Variants in KIAA1328 observed in about 807,000 individuals in gnomAD.
The protein encoded by KIAA1328 is KIAA1328, also known as protein hinderin.
In KIAA1328, 52 loss-of-function variants were observed where a neutral mutation model predicts 68.1. That is an observed-to-expected ratio of 0.76 (90% CI 0.61 to 0.96). The LOEUF is 0.96. KIAA1328 is among the 40% of genes least tolerant of loss of function. The pLI is 0.00. For missense variants in KIAA1328, 641 were observed against 677.6 expected (o/e 0.95, Z 0.60); for synonymous variants, 232 against 239.4 (o/e 0.97, Z 0.28).
At chr18:36,951,235 A>G (rs923525690) in intron 5 of KIAA1328, among the ~76,000 whole-genome samples, 1 of 151,824 alleles carries the variant, frequency 6.6e-6, no homozygotes, top group African/African-American at 2.4e-5. Flanking sequence ...ATTACTCTTC[A>G]TTTGTTTTTC....
At chr18:37,107,587 A>G (rs1374301473) in intron 7 of KIAA1328, among the ~76,000 whole-genome samples, 6 of 152,140 alleles carry the variant, frequency 3.9e-5, no homozygotes, top group Non-Finnish European at 8.8e-5. Context: ...GGTTAGATGT[A>G]TTCATTCCTA....
At chr18:36,972,164 T>C (rs1488673864) in intron 6 of KIAA1328, among the ~76,000 whole-genome samples, 1 of 152,190 alleles carries the variant, frequency 6.6e-6, no homozygotes, top group Admixed American at 6.5e-5. Context: ...GGCAGTTAAA[T>C]GGGGAGAAAG....
rs145203754 is a variant in KIAA1328, at chr18:36,921,960, T to G, written c.448+36288T>G. ...TTTTTTTTTTGAGACAGAGTCTCGC[T>G]CTTGTCCCCCAGGCCAGAGTGCAAT... On this transcript the variant is annotated intron_variant, in intron 5 of 9. Coordinates refer to ENST00000280020, the MANE Select transcript of KIAA1328 (RefSeq NM_020776.3). Among the ~76,000 whole-genome samples the G allele has an allele frequency of 5.1e-3, 779 of 151,942 alleles. 11 individuals are homozygous for G. Among genetic ancestry groups the G allele is most frequent in the African/African-American group, 0.017 (725 of 41,446 alleles).
chr18:36,985,281 CA>C (rs1449247606), intron 6 of KIAA1328, among the ~76,000 whole-genome samples: 1 of 152,182 alleles, frequency 6.6e-6, no homozygotes, highest in East Asian at 1.9e-4. Flanking sequence ...ACCTGTGCAA[CA>C]GGGATAGACC....
At chr18:37,153,857 T>TAA (rs199551458) in intron 7 of KIAA1328, among the ~76,000 whole-genome samples, 12 of 98,590 alleles carry the variant, frequency 1.2e-4, no homozygotes, top group African/African-American at 6.0e-4. Context: ...CTTTTTCTTT[T>TAA]AAAAAAAAAA....
intron 9 of KIAA1328, among the ~76,000 whole-genome samples, chr18:37,189,615 G>T (rs1413583101): frequency 6.6e-6 from 1 of 152,058 alleles, no homozygotes; most frequent in Non-Finnish European, 1.5e-5. Flanking sequence ...TCAGCCCATG[G>T]TCCCCAAGTC....
chr18:37,131,845 A>ACT, intron 7 of KIAA1328, among the ~76,000 whole-genome samples: 1 of 152,252 alleles, frequency 6.6e-6, no homozygotes, highest in East Asian at 1.9e-4. Flanking sequence ...CCTTATTCAT[A>ACT]CTCTGAGGCT....
intron 9 of KIAA1328, among the ~76,000 whole-genome samples, chr18:37,181,078 G>A (rs1424107221): frequency 6.6e-6 from 1 of 152,042 alleles, no homozygotes; most frequent in African/African-American, 2.4e-5. Flanking sequence ...TGAGCTGTAA[G>A]GCTGAGAACT....
At chr18:37,112,353 G>A (rs2057957663) in intron 7 of KIAA1328, among the ~76,000 whole-genome samples, 1 of 152,164 alleles carries the variant, frequency 6.6e-6, no homozygotes, top group South Asian at 2.1e-4. Context: ...AGCAACATTT[G>A]CTGTTCTGCA....
downstream of KIAA1328, among the ~76,000 whole-genome samples, chr18:37,229,231 C>T (rs944421718): frequency 2.6e-5 from 4 of 152,000 alleles, no homozygotes; most frequent in South Asian, 2.1e-4. Context: ...AGGCAAGCAT[C>T]GAAAACTCCT....
intron 7 of KIAA1328, among the ~76,000 whole-genome samples, chr18:37,124,861 A>C (rs180713173): frequency 2.0e-5 from 3 of 152,316 alleles, no homozygotes; most frequent in Admixed American, 2.0e-4. Flanking sequence ...CTTCTTATGC[A>C]TCAAGGAAAA....
intron 5 of KIAA1328, among the ~76,000 whole-genome samples, chr18:36,901,463 T>G (rs2049036365): frequency 1.3e-5 from 2 of 152,084 alleles, no homozygotes; most frequent in South Asian, 4.1e-4. Context: ...CTTTTGTGAA[T>G]GCTGTCAGTC....
chr18:37,043,044 T>G (rs1416256459), intron 6 of KIAA1328, among the ~76,000 whole-genome samples: 1 of 152,220 alleles, frequency 6.6e-6, no homozygotes, highest in Non-Finnish European at 1.5e-5. Flanking sequence ...TTGCACTTAA[T>G]TTTTTGTACT....
intron 7 of KIAA1328, among the ~76,000 whole-genome samples, chr18:37,113,534 G>T (rs1041590509): frequency 1.3e-5 from 2 of 152,148 alleles, no homozygotes; most frequent in South Asian, 2.1e-4. Context: ...GGAACAACTG[G>T]TACCAGCCAC....
At chr18:37,149,107 A>G (rs2058971334) in intron 7 of KIAA1328, among the ~76,000 whole-genome samples, 1 of 152,208 alleles carries the variant, frequency 6.6e-6, no homozygotes, top group Non-Finnish European at 1.5e-5. Flanking sequence ...AAAAGAGCTT[A>G]TATAGCCAAG....
intron 5 of KIAA1328, among the ~76,000 whole-genome samples, chr18:36,904,420 A>G (rs1034082122): frequency 2.0e-5 from 3 of 151,996 alleles, no homozygotes; most frequent in African/African-American, 7.2e-5. Flanking sequence ...TAGATGCACA[A>G]AGTTTGAGAT....
chr18:37,102,715 G>C (rs2057659134), intron 7 of KIAA1328, among the ~76,000 whole-genome samples: 1 of 152,064 alleles, frequency 6.6e-6, no homozygotes, highest in African/African-American at 2.4e-5. Flanking sequence ...CATAGTACTG[G>C]AAGTGCTAGC....
chr18:37,058,729 A>T (rs531893506), intron 6 of KIAA1328, among the ~76,000 whole-genome samples: 1 of 152,038 alleles, frequency 6.6e-6, no homozygotes, highest in South Asian at 2.1e-4. Context: ...AAATTTTAAT[A>T]AAATAAATAA....
intron 7 of KIAA1328, among the ~76,000 whole-genome samples, chr18:37,082,597 G>A (rs1483350412): frequency 6.6e-6 from 1 of 152,190 alleles, no homozygotes; most frequent in Non-Finnish European, 1.5e-5. Context: ...CAAATGAGTA[G>A]CACAGAATTG....
Sources: gnomAD v4.1 joint callset for allele counts (sites outside exome capture counted in the v4.1 genomes callset) on GRCh38, gnomAD v4.1.1 for gene constraint, MANE v1.5 for transcripts, NCBI Gene and HGNC (gene_info 2026-07-23, HGNC 2026-07-21) for gene names.